Variants in PRKG1 observed in about 807,000 individuals in gnomAD.
PRKG1 encodes the protein protein kinase cGMP-dependent 1.
PRKG1 carries 35 observed loss-of-function variants against 88.1 expected under a neutral mutation model. The observed-to-expected ratio is 0.40, with a 90% CI of 0.30 to 0.53. The LOEUF (loss-of-function observed/expected upper bound fraction) is 0.53, where lower values mean the gene tolerates loss of function less well. PRKG1 is among the 20% of genes least tolerant of loss of function. The pLI is 0.59. For synonymous variants in PRKG1, 303 were observed against 292.5 expected (o/e 1.04, Z -0.37); for missense variants, 540 against 839.8 (o/e 0.64, Z 4.41).
At chr10:51,969,330 AGGT>A (rs1263435619) in intron 5 of PRKG1, among the ~76,000 whole-genome samples, 10 of 152,272 alleles carry the variant, frequency 6.6e-5, no homozygotes, top group Non-Finnish European at 1.5e-4. Context: ...GAGAAAGAAA[AGGT>A]GGAACTGTGA....
chr10:51,238,758 C>T (rs1318785281), intron 2 of PRKG1, among the ~76,000 whole-genome samples: 8 of 144,860 alleles, frequency 5.5e-5, no homozygotes, highest in Non-Finnish European at 1.1e-4. Flanking sequence ...GAGACTCTAT[C>T]TCAAAAAAAA....
chr10:51,006,688 T>C (rs547005859), intron 1 of PRKG1, among the ~76,000 whole-genome samples: 9 of 152,154 alleles, frequency 5.9e-5, no homozygotes, highest in Non-Finnish European at 1.0e-4. Flanking sequence ...GTTGTCTCAG[T>C]TTTCTTTCCA....
rs78830790 is a variant in PRKG1, at chr10:52,152,942, C to T, written c.1002-8947C>T. Among the ~76,000 whole-genome samples, 1,047 of 152,208 alleles carry T rather than the reference C, an allele frequency of 6.9e-3. 35 individuals carry two copies. In the East Asian group the frequency reaches 0.12, roughly 17 times the overall value. On this transcript the variant is annotated intron_variant, in intron 8 of 17. Transcript: ENST00000373980. Reference sequence around the variant, plus strand: ...CAGGACATTAAAGAGTATCTGTAAACGTGGACATTAAATAGCTCAGTTTAT... The same window carrying T: ...CAGGACATTAAAGAGTATCTGTAAATGTGGACATTAAATAGCTCAGTTTAT...
chr10:52,190,742 C>G (rs1201172734), intron 9 of PRKG1, among the ~76,000 whole-genome samples: 1 of 151,970 alleles, frequency 6.6e-6, no homozygotes, highest in African/African-American at 2.4e-5. Context: ...TTTTGTAAAC[C>G]TTGTTATTAT....
intron 3 of PRKG1, among the ~76,000 whole-genome samples, chr10:51,736,573 C>G (rs1837286393): frequency 6.6e-6 from 1 of 151,546 alleles, no homozygotes; most frequent in Non-Finnish European, 1.5e-5. Flanking sequence ...ACATAGTTAT[C>G]CATCACCCTA....
chr10:51,847,840 TAAAAAAAAAAAAAAAA>T (rs766423513), intron 4 of PRKG1, among the ~76,000 whole-genome samples: 386 of 35,232 alleles, frequency 0.011, 9 homozygotes, highest in Middle Eastern at 0.024. Context: ...AAGACTCTGT[TAAAAAAAAAAAAAAAA>T]AAAAAAAAAA....
chr10:51,247,000 G>A (rs896387070), intron 2 of PRKG1, among the ~76,000 whole-genome samples: 1 of 152,040 alleles, frequency 6.6e-6, no homozygotes, highest in African/African-American at 2.4e-5. Flanking sequence ...TCATGACCAT[G>A]CATTTGTGGA....
In PRKG1 at chr10:52,052,748, G is replaced by A. The variant is rs544885492; in HGVS notation, c.763-1736G>A. 8.5e-5 allele frequency among the ~76,000 whole-genome samples: 13 copies of A among 152,146 alleles called. 1 individual carries two copies. Among genetic ancestry groups the A allele is most frequent in the African/African-American group, 2.6e-4 (11 of 41,514 alleles). ...ACCACAAGAACAGTATGGAAGAAAC[G>A]GCTCTCATGATTCAATTATCTCCCA... On this transcript the variant is annotated intron_variant, in intron 5 of 17. Coordinates refer to ENST00000373980, the MANE Select transcript of PRKG1 (RefSeq NM_006258.4).
rs762828746 is a variant in PRKG1, at chr10:51,693,287, C to CAA, written c.593-111280_593-111279dup. Among the ~76,000 whole-genome samples the CAA allele has an allele frequency of 1.8e-3, 126 of 70,520 alleles. 4 individuals are homozygous for CAA. Among genetic ancestry groups the CAA allele is most frequent in the Middle Eastern group, 8.1e-3 (1 of 124 alleles). 46.3% of individuals were successfully genotyped at this position (70,520 alleles called of 152,430 possible). A position where few individuals can be genotyped will look rare whatever the true frequency, so the allele number is the denominator to read the frequency against. On this transcript the variant is annotated intron_variant, in intron 3 of 17. Coordinates refer to ENST00000373980, the MANE Select transcript of PRKG1 (RefSeq NM_006258.4). ...TGGGCAGCAAAGTGAGACACCACCT[C>CAA]AAAAAAAAAAAAAAAAAAAGCTGTT...
chr10:52,052,234 C>A (rs953584601), intron 5 of PRKG1, among the ~76,000 whole-genome samples: 2 of 151,868 alleles, frequency 1.3e-5, no homozygotes, highest in Admixed American at 1.3e-4. Flanking sequence ...CCCTATTCAT[C>A]TTTGTGTTAT....
intron 5 of PRKG1, among the ~76,000 whole-genome samples, chr10:51,911,964 C>T (rs1842227161): frequency 6.6e-6 from 1 of 152,162 alleles, no homozygotes; most frequent in Non-Finnish European, 1.5e-5. Flanking sequence ...GTTTCAGGGC[C>T]TGGAGATTCA....
chr10:52,117,189 T>TGTGTGC (rs1406526649), intron 7 of PRKG1, among the ~76,000 whole-genome samples: 1 of 151,382 alleles, frequency 6.6e-6, no homozygotes, highest in Admixed American at 6.6e-5. Flanking sequence ...TGTGTGTGTG[T>TGTGTGC]GTGTGTGTGT....
At chr10:51,942,313 T>C (rs1195098881) in intron 5 of PRKG1, among the ~76,000 whole-genome samples, 1 of 152,100 alleles carries the variant, frequency 6.6e-6, no homozygotes, top group Non-Finnish European at 1.5e-5. Context: ...GTTTTTTTCT[T>C]GTAAATTTGT....
chr10:51,110,625 TTAG>T (rs767229919), intron 1 of PRKG1, among the ~76,000 whole-genome samples: 3 of 152,138 alleles, frequency 2.0e-5, no homozygotes, highest in Non-Finnish European at 2.9e-5. Context: ...GATGTTTTCA[TTAG>T]TATAAACATA....
chr10:51,484,888 G>C (rs1262215050), intron 3 of PRKG1, among the ~76,000 whole-genome samples: 1 of 152,166 alleles, frequency 6.6e-6, no homozygotes, highest in Non-Finnish European at 1.5e-5. Context: ...AGTACGTCCA[G>C]ATTCTATCTG....
At chr10:51,554,372 A>G (rs1837253336) in intron 3 of PRKG1, among the ~76,000 whole-genome samples, 1 of 145,476 alleles carries the variant, frequency 6.9e-6, no homozygotes, top group East Asian at 2.0e-4. Context: ...GTATATACAC[A>G]TATATAATAT....
At chr10:52,029,114 G>T (rs534208689) in intron 5 of PRKG1, among the ~76,000 whole-genome samples, 70 of 152,270 alleles carry the variant, frequency 4.6e-4, no homozygotes, top group African/African-American at 1.7e-3. Flanking sequence ...AATAGAGCGG[G>T]CTGGACTTTC....
At chr10:51,594,450 A>G (rs1838392714) in intron 3 of PRKG1, among the ~76,000 whole-genome samples, 2 of 152,246 alleles carry the variant, frequency 1.3e-5, no homozygotes, top group South Asian at 4.1e-4. Context: ...TTACATCACA[A>G]TAAATGTTAT....
intron 7 of PRKG1, among the ~76,000 whole-genome samples, chr10:52,079,752 C>T (rs1846721923): frequency 6.6e-6 from 1 of 152,156 alleles, no homozygotes; most frequent in South Asian, 2.1e-4. Context: ...GGTTATGATT[C>T]TGGCCTGCAC....
Sources: gnomAD v4.1 joint callset for allele counts (sites outside exome capture counted in the v4.1 genomes callset) on GRCh38, gnomAD v4.1.1 for gene constraint, MANE v1.5 for transcripts, NCBI Gene and HGNC (gene_info 2026-07-23, HGNC 2026-07-21) for gene names.